Variants in CACNA2D3 observed in about 807,000 individuals in gnomAD.
CACNA2D3 encodes calcium voltage-gated channel auxiliary subunit alpha2delta 3.
A neutral mutation model predicts 160.6 loss-of-function variants in CACNA2D3; 60 were observed. The ratio of observed to expected loss-of-function variants is 0.37; its 90% CI spans 0.30 to 0.46. The LOEUF (loss-of-function observed/expected upper bound fraction) is 0.46. CACNA2D3 is among the 20% of genes least tolerant of loss of function. The pLI is 1.00. For synonymous variants in CACNA2D3, 558 were observed against 492.9 expected, an observed-to-expected ratio of 1.13 and a Z score of -1.75; for missense variants, 1,205 against 1,365.0, an observed-to-expected ratio of 0.88 and a Z score of 1.85.
chr3:54,811,520 C>G (rs796703605), intron 13 of CACNA2D3, among the ~76,000 whole-genome samples: 44 of 111,120 alleles, frequency 4.0e-4, no homozygotes, highest in African/African-American at 1.4e-3. Flanking sequence ...TTTTTTGAGA[C>G]AGCATCTCAC....
intron 2 of CACNA2D3, among the ~76,000 whole-genome samples, chr3:54,256,494 C>A (rs952189587): frequency 3.3e-5 from 5 of 152,042 alleles, no homozygotes; most frequent in African/African-American, 1.2e-4. Flanking sequence ...ATATGGCAGA[C>A]CCTGATTATA....
chr3:54,487,703 A>G (rs1322635557), intron 4 of CACNA2D3, among the ~76,000 whole-genome samples: 2 of 152,376 alleles, frequency 1.3e-5, no homozygotes, highest in Middle Eastern at 3.4e-3. Context: ...ATTGAATGCA[A>G]TAAAGAAAAA....
At chr3:54,831,220 G>T (rs1248396496) in intron 14 of CACNA2D3, among the ~76,000 whole-genome samples, 1 of 152,228 alleles carries the variant, frequency 6.6e-6, no homozygotes, top group Non-Finnish European at 1.5e-5. Flanking sequence ...GGGCTGAGCA[G>T]ATCTGGCAGG....
At chr3:54,261,161 A>T (rs1474800345) in intron 2 of CACNA2D3, among the ~76,000 whole-genome samples, 2 of 152,194 alleles carry the variant, frequency 1.3e-5, no homozygotes, top group African/African-American at 4.8e-5. Context: ...TAAGTAAGTT[A>T]AACAATTTAT....
At chr3:54,376,956 C>G (rs936394992) in intron 3 of CACNA2D3, among the ~76,000 whole-genome samples, 8 of 152,132 alleles carry the variant, frequency 5.3e-5, no homozygotes, top group African/African-American at 1.9e-4. Flanking sequence ...TATAAAAATC[C>G]ATCTTGAGAA....
intron 31 of CACNA2D3, among the ~76,000 whole-genome samples, chr3:54,997,640 C>T (rs1410092683): frequency 4.0e-5 from 6 of 150,690 alleles, no homozygotes; most frequent in South Asian, 2.1e-4. Flanking sequence ...GCAGGAGGAT[C>T]GCTTGAACTG....
chr3:54,449,154 A>C (rs1376300263), intron 4 of CACNA2D3, among the ~76,000 whole-genome samples: 1 of 152,228 alleles, frequency 6.6e-6, no homozygotes, highest in Non-Finnish European at 1.5e-5. Flanking sequence ...CCAAGAATCA[A>C]TACGTGTTCT....
At chr3:54,149,922 T>C (rs868230195) in intron 2 of CACNA2D3, among the ~76,000 whole-genome samples, 3,802 of 68,108 alleles carry the variant, frequency 0.056, 224 homozygotes, top group Non-Finnish European at 0.074. Context: ...TCTCTCTCTC[T>C]CTCTCTCTCC....
At chr3:54,390,443 A>G (rs1053485200) in intron 4 of CACNA2D3, among the ~76,000 whole-genome samples, 1 of 152,228 alleles carries the variant, frequency 6.6e-6, no homozygotes, top group African/African-American at 2.4e-5. Flanking sequence ...AAAGGGAGCT[A>G]AAGTTTTCCT....
At chr3:54,497,625 G>C (rs972769307) in intron 4 of CACNA2D3, among the ~76,000 whole-genome samples, 3 of 151,890 alleles carry the variant, frequency 2.0e-5, no homozygotes, top group Non-Finnish European at 2.9e-5. Context: ...TATTTGCCAG[G>C]ACCACCTTTA....
At chr3:54,381,530 A>G (rs889880908) in intron 3 of CACNA2D3, among the ~76,000 whole-genome samples, 1 of 152,122 alleles carries the variant, frequency 6.6e-6, no homozygotes, top group East Asian at 1.9e-4. Flanking sequence ...TTCTGATCCA[A>G]TTTTTACTTA....
chr3:54,644,220 C>A (rs375612794), intron 11 of CACNA2D3, among the ~76,000 whole-genome samples: 1 of 151,992 alleles, frequency 6.6e-6, no homozygotes, highest in Non-Finnish European at 1.5e-5. Context: ...AGGCCAGATG[C>A]GTTCTTGGAT....
At chr3:54,226,503 A>G (rs1363324649) in intron 2 of CACNA2D3, among the ~76,000 whole-genome samples, 1 of 151,888 alleles carries the variant, frequency 6.6e-6, no homozygotes, top group Non-Finnish European at 1.5e-5. Context: ...GGGTCTTGAT[A>G]TGTTGCCCAG....
intron 2 of CACNA2D3, among the ~76,000 whole-genome samples, chr3:54,208,954 C>T (rs1244171174): frequency 6.6e-6 from 1 of 151,992 alleles, no homozygotes; most frequent in Non-Finnish European, 1.5e-5. Flanking sequence ...TGGTGGCAGA[C>T]AAGAAAGAAT....
At position 54,896,794 on chromosome 3, in the gene CACNA2D3, C is replaced by G. The variant is rs774431463; in HGVS notation, c.2292C>G (p.Asp764Glu). 1 of 1,613,908 alleles carries G rather than the reference C, an allele frequency of 6.2e-7. No homozygotes were observed. Among genetic ancestry groups the G allele is most frequent in the Admixed American group, 1.7e-5 (1 of 60,002 alleles). Residue 764 changes from aspartate (D) to glutamate (E), a missense_variant, in exon 26 of 38, where the codon GAC (aspartate) becomes GAG (glutamate). This residue lies in a region of CACNA2D3 where 911 missense variants were observed against 1,002.2 expected (regional missense o/e 0.91). Coordinates refer to ENST00000474759, the MANE Select transcript of CACNA2D3 (RefSeq NM_018398.3). The part of the protein sequence containing the change: ...AGDKENIFNA[D>E]HFPLWYRRAA... The stretch of plus-strand genomic sequence containing the variant: ...ACAAGGAGAACATTTTTAACGCAGA[C>G]CATTTCCCTCTCTGGTACCGAAGAG...
chr3:54,448,661 T>C (rs1382681110), intron 4 of CACNA2D3, among the ~76,000 whole-genome samples: 2 of 152,332 alleles, frequency 1.3e-5, no homozygotes, highest in Middle Eastern at 3.4e-3. Context: ...TAGTGTCCTA[T>C]TGTCTCCACC....
chr3:54,336,133 C>A (rs1421342010), intron 3 of CACNA2D3, among the ~76,000 whole-genome samples: 1 of 151,882 alleles, frequency 6.6e-6, no homozygotes, highest in East Asian at 1.9e-4. Flanking sequence ...GTCTGCAGGG[C>A]GGCCCCAGTG....
At chr3:54,472,564 G>T (rs1433372180) in intron 4 of CACNA2D3, among the ~76,000 whole-genome samples, 1 of 152,066 alleles carries the variant, frequency 6.6e-6, no homozygotes, top group African/African-American at 2.4e-5. Flanking sequence ...AGAAATAAAG[G>T]GTATTCAAAT....
intron 2 of CACNA2D3, among the ~76,000 whole-genome samples, chr3:54,207,835 A>G (rs1701300403): frequency 6.6e-6 from 1 of 152,078 alleles, no homozygotes; most frequent in Non-Finnish European, 1.5e-5. Flanking sequence ...GCATTTCCAC[A>G]AGATTACTTT....
Sources: allele counts gnomAD v4.1 joint callset (sites outside exome capture counted in the v4.1 genomes callset), GRCh38; gene constraint gnomAD v4.1.1; regional missense constraint gnomAD v4.1.1; transcripts MANE v1.5; gene names NCBI Gene and HGNC (gene_info 2026-07-23, HGNC 2026-07-21).